NFATC1: variants seen among roughly 807,000 people sequenced by gnomAD.
NFATC1 encodes the protein nuclear factor of activated T cells 1, also known as nuclear factor of activated T-cells, cytoplasmic 1.
Under a neutral mutation model 76.0 loss-of-function variants are expected in NFATC1, and 22 were observed. The ratio of observed to expected loss-of-function variants is 0.29; its 90% confidence interval spans 0.21 to 0.41. The LOEUF (loss-of-function observed/expected upper bound fraction) is 0.41, where lower values mean the gene tolerates loss of function less well. Among genes scored for constraint, NFATC1 ranks in the 10% least tolerant of loss-of-function variants. NFATC1 has a pLI of 1.00. For synonymous variants in NFATC1, 704 were observed against 613.1 expected, an observed-to-expected ratio of 1.15 and a Z score of -2.19; for missense variants, 1,357 against 1,337.7, an observed-to-expected ratio of 1.01 and a Z score of -0.23.
intron 6 of NFATC1, among the ~76,000 whole-genome samples, chr18:79,452,639 T>C (rs1244527788): frequency 6.6e-6 from 1 of 152,154 alleles, no homozygotes; most frequent in Admixed American, 6.5e-5. Flanking sequence ...GAAACTGGCA[T>C]TGCAGGGAGA....
At chr18:79,405,954 C>G (rs1416483384) in intron 1 of NFATC1, among the ~76,000 whole-genome samples, 1 of 152,150 alleles carries the variant, frequency 6.6e-6, no homozygotes, top group East Asian at 1.9e-4. Flanking sequence ...GTCACAGAAA[C>G]GTCAAGGGCT....
chr18:79,455,226 C>T (rs935528268), intron 6 of NFATC1, among the ~76,000 whole-genome samples: 9 of 152,362 alleles, frequency 5.9e-5, no homozygotes, highest in East Asian at 5.8e-4. Flanking sequence ...TGTCGCTGCG[C>T]GGAAGCCACA....
At chr18:79,469,549 C>G (rs1335956626) in intron 8 of NFATC1, 1 of 985,966 alleles carries the variant, frequency 1.0e-6, no homozygotes. Context: ...CAGCCACACT[C>G]CTGCCTCGAT....
chr18:79,465,751 A>T lies in NFATC1; in HGVS notation c.1960-1699A>T, dbSNP rs2088456219. Among the ~76,000 whole-genome samples, 1 of 152,210 alleles carries T rather than the reference A, an allele frequency of 6.6e-6. No homozygotes were observed. The highest frequency in any genetic ancestry group is 2.4e-5 in the African/African-American group (1 of 41,424). ...ATCGCAGCTGCCCTGAGCACTGCTG[A>T]ATTCAGAAAACAGCCTTGGAGGAAG... On this transcript the variant is annotated intron_variant, in intron 7 of 9. Transcript: ENST00000427363. This position sits in a 1 kb window ranked among gnomAD's most constrained non-coding sequence, Gnocchi z 4.2.
chr18:79,437,359 G>GGCAGGGAGTGACCA (rs2086816127), intron 3 of NFATC1, among the ~76,000 whole-genome samples: 1 of 152,212 alleles, frequency 6.6e-6, no homozygotes, highest in Admixed American at 6.5e-5. Flanking sequence ...CTTCTGGCCA[G>GGCAGGGAGTGACCA]GCAGGGAGTG....
At chr18:79,402,887 CGTT>C (rs2085315218) in intron 1 of NFATC1, among the ~76,000 whole-genome samples, 1 of 152,222 alleles carries the variant, frequency 6.6e-6, no homozygotes. Flanking sequence ...AACTACTTCA[CGTT>C]GTTTCTGGGA....
chr18:79,442,448 C>T (rs986724973), intron 3 of NFATC1, among the ~76,000 whole-genome samples: 1 of 152,238 alleles, frequency 6.6e-6, no homozygotes, highest in African/African-American at 2.4e-5. Flanking sequence ...TGCCACTCAA[C>T]ATCCTTCCAG....
At chr18:79,468,359 G>A (rs2088626449) in intron 8 of NFATC1, 1 of 152,086 alleles carries the variant, frequency 6.6e-6, no homozygotes, top group Admixed American at 6.5e-5. Context: ...AGAATTAGCA[G>A]TCATCCTGAA....
At chr18:79,450,380 T>G (rs1167489203) in intron 4 of NFATC1, among the ~76,000 whole-genome samples, 3 of 149,146 alleles carry the variant, frequency 2.0e-5, no homozygotes, top group African/African-American at 7.3e-5. Context: ...AATAATAGAA[T>G]AATTTATTCT....
intron 1 of NFATC1, among the ~76,000 whole-genome samples, chr18:79,398,518 G>A (rs528103485): frequency 6.6e-6 from 1 of 152,230 alleles, no homozygotes; most frequent in Non-Finnish European, 1.5e-5. Context: ...TTTGCAGGAA[G>A]GAAGCCCAGC....
intron 3 of NFATC1, among the ~76,000 whole-genome samples, chr18:79,435,200 T>C (rs2144676969): frequency 6.6e-6 from 1 of 152,232 alleles, no homozygotes; most frequent in South Asian, 2.1e-4. Context: ...TGCTGTAAAT[T>C]ATGTCGGTGA....
chr18:79,426,969 T>TTGAA (rs2086360452), intron 2 of NFATC1, among the ~76,000 whole-genome samples: 2 of 152,238 alleles, frequency 1.3e-5, no homozygotes, highest in Admixed American at 1.3e-4. Flanking sequence ...GGTCCTTGGC[T>TTGAA]TGAAGCCTGC....
chr18:79,496,471 G>C (rs571002517), intron 9 of NFATC1: 1 of 152,282 alleles, frequency 6.6e-6, no homozygotes, highest in African/African-American at 2.4e-5. Context: ...CCATGTTCTT[G>C]CCAGGGCAGC....
chr18:79,454,822 G>A (rs2087615863), intron 6 of NFATC1, among the ~76,000 whole-genome samples: 1 of 152,148 alleles, frequency 6.6e-6, no homozygotes, highest in Admixed American at 6.6e-5. Context: ...AGTTTCCAAG[G>A]CTGCAGGGGT....
intron 9 of NFATC1, among the ~76,000 whole-genome samples, chr18:79,513,880 A>G (rs1259491127): frequency 6.6e-6 from 1 of 152,072 alleles, no homozygotes. Context: ...AGGACGGGCC[A>G]CTGTGGAGCC....
intron 1 of NFATC1, among the ~76,000 whole-genome samples, chr18:79,405,825 C>A (rs1410333294): frequency 6.6e-6 from 1 of 152,182 alleles, no homozygotes; most frequent in African/African-American, 2.4e-5. Flanking sequence ...TGCAATACTT[C>A]AGTTTAAATA....
chr18:79,447,217 C>T (rs538337653), intron 3 of NFATC1, among the ~76,000 whole-genome samples: 8 of 152,334 alleles, frequency 5.3e-5, no homozygotes, highest in South Asian at 2.1e-4. Flanking sequence ...TTCGCCTGCC[C>T]GGGCCCCTCT....
At chr18:79,457,095 G>A (rs150477032) in intron 6 of NFATC1, among the ~76,000 whole-genome samples, 75 of 152,354 alleles carry the variant, frequency 4.9e-4, no homozygotes, top group African/African-American at 1.1e-3. Flanking sequence ...CATCACTGTC[G>A]CCGTGTGCTC....
At chr18:79,492,792 C>G (rs1488164742) in intron 9 of NFATC1, among the ~76,000 whole-genome samples, 3 of 142,916 alleles carry the variant, frequency 2.1e-5, no homozygotes, top group Non-Finnish European at 3.0e-5. Context: ...GAGAATCACT[C>G]GAACCTGGGA....
Sources: allele counts gnomAD v4.1 joint callset (sites outside exome capture counted in the v4.1 genomes callset), GRCh38; gene constraint gnomAD v4.1.1; non-coding constraint Gnocchi (gnomAD v3.1); transcripts MANE v1.5; gene names NCBI Gene and HGNC (gene_info 2026-07-23, HGNC 2026-07-21).